The following ST6GALNAC1 variants were observed in gnomAD, a reference collection of about 807,000 sequenced individuals.
The protein encoded by ST6GALNAC1 is ST6 N-acetylgalactosaminide alpha-2,6-sialyltransferase 1.
ST6GALNAC1 carries 45 observed loss-of-function variants against 56.8 expected under a neutral mutation model. That is an observed-to-expected ratio of 0.79 (90% CI 0.62 to 1.02). ST6GALNAC1 has a LOEUF of 1.02. ST6GALNAC1 is among the 50% of genes least tolerant of loss of function. The pLI, the probability that ST6GALNAC1 is intolerant of heterozygous loss-of-function variation, is 0.00. For synonymous variants in ST6GALNAC1, 295 were observed against 297.8 expected (o/e 0.99, Z 0.10); for missense variants, 743 against 754.8 (o/e 0.98, Z 0.18).
chr17:76,642,219 C>CCTATCTATCTATCTATCTATCTAT (rs10693413), intron 1 of ST6GALNAC1, among the ~76,000 whole-genome samples: 4,745 of 150,140 alleles, frequency 0.032, 146 homozygotes, highest in African/African-American at 0.075. Context: ...TCTCTATCTG[C>CCTATCTATCTATCTATCTATCTAT]CTATCTATCT....
At position 76,628,431 on chromosome 17, in the gene ST6GALNAC1, C is replaced by G. The variant is rs114268121; in HGVS notation, c.831+581G>C. On this transcript the variant is annotated intron_variant, in intron 2 of 8. Transcript: ENST00000156626. ...TAGCTGGGACTACAGGCATATGCCA[C>G]TATACCCAGCAACATACACATTTTG... is the stretch of plus-strand genomic sequence containing the variant. Among the ~76,000 whole-genome samples, 509 of 152,236 alleles carry G rather than the reference C, an allele frequency of 3.3e-3. 1 individual carries two copies. The highest frequency in any genetic ancestry group is 0.011 in the African/African-American group (467 of 41,548).
chr17:76,619,467 A>G, the ST6GALNAC1 span, among the ~76,000 whole-genome samples: 89 of 152,296 alleles, frequency 5.8e-4, no homozygotes, highest in African/African-American at 2.1e-3. Context: ...CAGAGGGTTC[A>G]TTGTTCATTA....
downstream of ST6GALNAC1, among the ~76,000 whole-genome samples, chr17:76,624,183 C>T (rs2075767177): frequency 6.6e-6 from 1 of 152,136 alleles, no homozygotes; most frequent in Admixed American, 6.6e-5. Flanking sequence ...CCCTCTCTCC[C>T]TTCCACTCTC....
intron 1 of ST6GALNAC1, among the ~76,000 whole-genome samples, chr17:76,639,949 G>T (rs911219852): frequency 6.6e-6 from 1 of 152,000 alleles, no homozygotes; most frequent in Non-Finnish European, 1.5e-5. Context: ...GGGCTAGGGG[G>T]TCCCTGCCTG....
Position 76,627,177 on chromosome 17 carries a change from G to A in ST6GALNAC1, c.1062C>T (p.Ser354=), listed in dbSNP as rs1221413658. 1 of 1,602,708 alleles carries A rather than the reference G, an allele frequency of 6.2e-7. No homozygotes were observed. The highest frequency in any genetic ancestry group is 8.5e-7 in the Non-Finnish European group (1 of 1,174,016). Residue 354 remains serine, a synonymous_variant, in exon 4 of 9, where the codon AGC becomes AGT. Transcript: ENST00000156626. This position sits in a 1 kb window ranked among gnomAD's most constrained non-coding sequence, Gnocchi z 4.4. The part of the protein sequence containing the change: ...PVPQQQLLLA[S]LPAGSLRCIT... ...TGCACCGGAGGCTCCCAGCGGGGAG[G>A]CTGGCCAGGAGCAGCTGCTGCTGGG...
the ST6GALNAC1 span, among the ~76,000 whole-genome samples, chr17:76,619,437 C>T: frequency 6.6e-6 from 1 of 152,174 alleles, no homozygotes; most frequent in Admixed American, 6.5e-5. Flanking sequence ...ATACTGATAC[C>T]TTGAATTCTA....
chr17:76,622,875 C>T (rs2075755947), downstream of ST6GALNAC1, among the ~76,000 whole-genome samples: 3 of 151,808 alleles, frequency 2.0e-5, no homozygotes, highest in South Asian at 2.1e-4. Flanking sequence ...CTCACTGCAA[C>T]CTCTGCCTCC....
intron 1 of ST6GALNAC1, among the ~76,000 whole-genome samples, chr17:76,632,191 G>A (rs538778069): frequency 6.6e-6 from 1 of 152,264 alleles, no homozygotes; most frequent in South Asian, 2.1e-4. Flanking sequence ...AGAAGCCTAT[G>A]GAAACTTCCC....
chr17:76,620,510 C>T (rs995082719), downstream of ST6GALNAC1, among the ~76,000 whole-genome samples: 18 of 152,002 alleles, frequency 1.2e-4, no homozygotes, highest in African/African-American at 1.7e-4. Flanking sequence ...TTATCCCTTC[C>T]GCCCTATTCC....
At position 76,627,350 on chromosome 17, in the gene ST6GALNAC1, GCTGCCCT is replaced by G. The variant is rs1555634248; in HGVS notation, c.1000+58_1000+64del. On this transcript the variant is annotated intron_variant, in intron 3 of 8. Coordinates refer to ENST00000156626, the MANE Select transcript of ST6GALNAC1 (RefSeq NM_018414.5). This position sits in a 1 kb window ranked among gnomAD's most constrained non-coding sequence, Gnocchi z 4.4. ...AGGGAAGAGGCAGACCAGAAAGCCA[GCTGCCCT>G]CTGCCCTCTGCCCCGGCCTACTGCG... 122 of 1,589,934 alleles carry G rather than the reference GCTGCCCT, an allele frequency of 7.7e-5. No homozygotes were observed. Among genetic ancestry groups the G allele is most frequent in the Non-Finnish European group, 9.5e-5 (111 of 1,167,066 alleles).
rs959687662 is a variant in ST6GALNAC1 at position 76,643,734 on chromosome 17, G to A, written c.-96C>T. Reference sequence around the variant, plus strand: ...ACCGCTCAGGTTTCCTGGCCAGGAAGTGCACACCCTTTGTCTTAACAATGA... The same window carrying A: ...ACCGCTCAGGTTTCCTGGCCAGGAAATGCACACCCTTTGTCTTAACAATGA... On this transcript the variant is annotated 5_prime_UTR_variant, in exon 1 of 9. Transcript: ENST00000156626. The A allele has an allele frequency of 7.8e-7, 1 of 1,278,278 alleles. No individual in the cohort carries two copies. Among genetic ancestry groups the A allele is most frequent in the Non-Finnish European group, 1.1e-6 (1 of 905,638 alleles). 79.2% of individuals were successfully genotyped at this position (1,278,278 alleles called of 1,614,324 possible).
rs1567955192 is a variant in ST6GALNAC1, at chr17:76,629,085, G to A, written c.758C>T (p.Ala253Val). ...CCGAGGCTCAGATTTGAAGTTGGCG[G>A]CCTTCAGTCTTTGGTTTCTCTGCGT... is the stretch of plus-strand genomic sequence containing the variant. Reference protein sequence around the residue: ...PTTQRNQRLKAANFKSEPRWD... With the variant: ...PTTQRNQRLKVANFKSEPRWD... Residue 253 changes from alanine (A) to valine (V), a missense_variant, in exon 2 of 9, where the codon GCC becomes GTC. Coordinates refer to ENST00000156626, the MANE Select transcript of ST6GALNAC1 (RefSeq NM_018414.5). The A allele has an allele frequency of 6.3e-7, 1 of 1,582,900 alleles. No individual in the cohort carries two copies. Among genetic ancestry groups the A allele is most frequent in the Non-Finnish European group, 8.6e-7 (1 of 1,163,376 alleles).
downstream of ST6GALNAC1, among the ~76,000 whole-genome samples, chr17:76,623,988 C>T (rs1299917011): frequency 6.6e-6 from 1 of 152,208 alleles, no homozygotes; most frequent in Non-Finnish European, 1.5e-5. Context: ...GGGGGAAAAG[C>T]ATTTATTGCT....
At chr17:76,636,074 A>G (rs1331397873) in intron 1 of ST6GALNAC1, among the ~76,000 whole-genome samples, 1 of 152,198 alleles carries the variant, frequency 6.6e-6, no homozygotes, top group Non-Finnish European at 1.5e-5. Context: ...GAAAAAGCAG[A>G]AACTGCCTTA....
intron 1 of ST6GALNAC1, among the ~76,000 whole-genome samples, chr17:76,636,836 A>G (rs1313823308): frequency 1.3e-5 from 2 of 151,548 alleles, no homozygotes; most frequent in African/African-American, 4.8e-5. Context: ...AAAAGGGGGA[A>G]ATGTGGGGAA....
chr17:76,636,041 A>G, intron 1 of ST6GALNAC1, among the ~76,000 whole-genome samples: 1 of 152,184 alleles, frequency 6.6e-6, no homozygotes, highest in East Asian at 1.9e-4. Context: ...TTATTTTTAT[A>G]AAAGCAATGT....
downstream of ST6GALNAC1, among the ~76,000 whole-genome samples, chr17:76,619,785 G>A (rs1335991371): frequency 1.6e-4 from 20 of 123,042 alleles, no homozygotes; most frequent in East Asian, 2.8e-4. Flanking sequence ...TCACTCTGTC[G>A]CCAGGCTGGA....
chr17:76,622,797 TC>T (rs1413757727), downstream of ST6GALNAC1, among the ~76,000 whole-genome samples: 2 of 83,056 alleles, frequency 2.4e-5, no homozygotes, highest in African/African-American at 7.7e-5. Flanking sequence ...TCTTGTCATT[TC>T]TTTTTTTTTT....
At position 76,637,083 on chromosome 17, in the gene ST6GALNAC1, G is replaced by A. The variant is rs560276839; in HGVS notation, c.131+6425C>T. 2.2e-3 allele frequency among the ~76,000 whole-genome samples: 338 copies of A among 151,176 alleles called. 2 individuals are homozygous for A. The highest frequency in any genetic ancestry group is 7.8e-3 in the African/African-American group (322 of 41,324). On this transcript the variant is annotated intron_variant, in intron 1 of 8. Coordinates refer to ENST00000156626, the MANE Select transcript of ST6GALNAC1 (RefSeq NM_018414.5). ...TGCTTGAAGGCAGCATGCTCGTTAA[G>A]AGTCATCACCACTCCCTAATCTCAA...
Sources: gnomAD v4.1 joint callset for allele counts (sites outside exome capture counted in the v4.1 genomes callset) on GRCh38, gnomAD v4.1.1 for gene constraint, Gnocchi (gnomAD v3.1) non-coding constraint, MANE v1.5 for transcripts, NCBI Gene and HGNC (gene_info 2026-07-23, HGNC 2026-07-21) for gene names.